Variants in B4GALT5 observed in about 807,000 individuals in gnomAD.
The protein encoded by B4GALT5 is UDP-Gal:beta-GlcNAc beta-1,4-galactosyltransferase 5.
Under a neutral mutation model 45.0 loss-of-function variants are expected in B4GALT5, and 11 were observed. That is an observed-to-expected ratio of 0.24 (90% CI 0.15 to 0.40). B4GALT5 has a LOEUF of 0.40. Among genes scored for constraint, B4GALT5 ranks in the 10% least tolerant of loss-of-function variants. B4GALT5 has a pLI of 1.00. For missense variants in B4GALT5, 337 were observed against 500.2 expected (o/e 0.67, Z 3.11); for synonymous variants, 185 against 182.9 (o/e 1.01, Z -0.09).
At chr20:49,665,908 C>T (rs182088522) in intron 1 of B4GALT5, among the ~76,000 whole-genome samples, 8 of 151,810 alleles carry the variant, frequency 5.3e-5, no homozygotes, top group Admixed American at 1.3e-4. Flanking sequence ...ATGGCTGGAG[C>T]GAAGGTTGCA....
chr20:49,685,104 CAAAG>C (rs779244687), intron 1 of B4GALT5, among the ~76,000 whole-genome samples: 34 of 152,140 alleles, frequency 2.2e-4, no homozygotes, highest in Non-Finnish European at 4.3e-4. Flanking sequence ...TCCATGACAA[CAAAG>C]AATACTGTCA....
At chr20:49,672,836 A>C (rs2085721643) in intron 1 of B4GALT5, among the ~76,000 whole-genome samples, 1 of 152,212 alleles carries the variant, frequency 6.6e-6, no homozygotes, top group African/African-American at 2.4e-5. Context: ...AAAAAAAACA[A>C]ACAAAAAACA....
intron 2 of B4GALT5, among the ~76,000 whole-genome samples, chr20:49,650,452 C>T (rs1420159597): frequency 9.4e-6 from 1 of 105,832 alleles, no homozygotes; most frequent in Non-Finnish European, 1.9e-5. Context: ...AACCCCATCT[C>T]TGCTAAAAAA....
chr20:49,696,903 A>T (rs2085841635), intron 1 of B4GALT5, among the ~76,000 whole-genome samples: 1 of 152,238 alleles, frequency 6.6e-6, no homozygotes, highest in Non-Finnish European at 1.5e-5. Flanking sequence ...CTCAAAATTC[A>T]CAATGAAGAG....
chr20:49,710,708 A>G (rs4810981), intron 1 of B4GALT5, among the ~76,000 whole-genome samples: 76,963 of 151,680 alleles, frequency 0.51, 19,819 homozygotes, highest in South Asian at 0.66. Flanking sequence ...GTGAGCCACC[A>G]CACCCAGCCA....
At chr20:49,668,782 T>C (rs966706227) in intron 1 of B4GALT5, among the ~76,000 whole-genome samples, 5 of 151,924 alleles carry the variant, frequency 3.3e-5, no homozygotes, top group African/African-American at 1.2e-4. Flanking sequence ...CCAATCCCTG[T>C]CCCTGAATTG....
intron 1 of B4GALT5, among the ~76,000 whole-genome samples, chr20:49,675,558 G>A (rs2085733773): frequency 6.6e-6 from 1 of 152,126 alleles, no homozygotes; most frequent in Admixed American, 6.6e-5. Flanking sequence ...GGAGCTATCA[G>A]CAGGTACCTC....
intron 1 of B4GALT5, among the ~76,000 whole-genome samples, chr20:49,659,213 T>C (rs574346195): frequency 5.3e-5 from 8 of 152,370 alleles, no homozygotes; most frequent in African/African-American, 1.9e-4. Context: ...GGATCTTTCT[T>C]GACCTTTCTT....
chr20:49,656,769 T>A, intron 1 of B4GALT5, 67 bp from the exon 2 acceptor site: 1 of 1,581,984 alleles, frequency 6.3e-7, no homozygotes, highest in East Asian at 2.2e-5. Flanking sequence ...ACATACCACA[T>A]AGCTATGGAT....
At chr20:49,696,033 G>A (rs958484021) in intron 1 of B4GALT5, among the ~76,000 whole-genome samples, 1 of 152,202 alleles carries the variant, frequency 6.6e-6, no homozygotes, top group African/African-American at 2.4e-5. Context: ...CGATGCAAAA[G>A]GCACGCTGTG....
At chr20:49,680,750 C>T (rs779359464) in intron 1 of B4GALT5, among the ~76,000 whole-genome samples, 10 of 151,606 alleles carry the variant, frequency 6.6e-5, no homozygotes, top group African/African-American at 1.4e-4. Flanking sequence ...ATGTACTTAA[C>T]GCCACTAAAT....
chr20:49,673,299 G>C (rs953196897), intron 1 of B4GALT5, among the ~76,000 whole-genome samples: 17 of 151,794 alleles, frequency 1.1e-4, no homozygotes, highest in African/African-American at 3.9e-4. Context: ...AGAATCGCTT[G>C]AACCCAGGAG....
At chr20:49,685,511 T>C (rs1281707327) in intron 1 of B4GALT5, among the ~76,000 whole-genome samples, 3 of 152,104 alleles carry the variant, frequency 2.0e-5, no homozygotes, top group Non-Finnish European at 2.9e-5. Flanking sequence ...CAGAATGCAA[T>C]GGGCTGGCAA....
At chr20:49,654,729 A>G (rs759535411) in intron 2 of B4GALT5, among the ~76,000 whole-genome samples, 1 of 152,230 alleles carries the variant, frequency 6.6e-6, no homozygotes, top group African/African-American at 2.4e-5. Flanking sequence ...AACTTATTAG[A>G]GAAGAAGAGA....
chr20:49,655,521 G>C (rs568892536), intron 2 of B4GALT5, among the ~76,000 whole-genome samples: 9 of 152,174 alleles, frequency 5.9e-5, no homozygotes, highest in Admixed American at 6.5e-5. Flanking sequence ...TGAAATCTCA[G>C]AATCTATTTT....
In B4GALT5 at chr20:49,670,310, T is replaced by C. The variant is rs111279983; in HGVS notation, c.116-13608A>G. On this transcript the variant is annotated intron_variant, in intron 1 of 8. Transcript: ENST00000371711. ...CAACTATTGCTAAGGAATAAGAACA[T>C]GTATCAGGCTAAAACAGACTTGAGG... is the stretch of plus-strand genomic sequence containing the variant. Among the ~76,000 whole-genome samples, 562 of 152,314 alleles carry C rather than the reference T, an allele frequency of 3.7e-3. 2 individuals carry two copies. The highest frequency in any genetic ancestry group is 0.013 in the African/African-American group (537 of 41,558).
intron 7 of B4GALT5, among the ~76,000 whole-genome samples, chr20:49,638,548 T>G (rs990507917): frequency 5.3e-5 from 8 of 152,212 alleles, no homozygotes; most frequent in Admixed American, 6.5e-5. Context: ...GCTAAATCTA[T>G]GTAGACATAT....
At chr20:49,645,914 G>C (rs2085597148) in intron 3 of B4GALT5, among the ~76,000 whole-genome samples, 1 of 151,822 alleles carries the variant, frequency 6.6e-6, no homozygotes, top group South Asian at 2.1e-4. Context: ...GGAGTGTAGT[G>C]GCACGATCAT....
intron 5 of B4GALT5, among the ~76,000 whole-genome samples, chr20:49,642,179 G>A (rs1238818236): frequency 6.6e-6 from 1 of 152,080 alleles, no homozygotes; most frequent in African/African-American, 2.4e-5. Flanking sequence ...ATCTTAAGGG[G>A]AACTTCCTGG....
Sources: allele counts gnomAD v4.1 joint callset (sites outside exome capture counted in the v4.1 genomes callset), GRCh38; gene constraint gnomAD v4.1.1; transcripts MANE v1.5; gene names NCBI Gene and HGNC (gene_info 2026-07-23, HGNC 2026-07-21).